Variants in SNRPD1 observed in about 807,000 individuals in gnomAD.
The protein encoded by SNRPD1 is small nuclear ribonucleoprotein Sm D1.
In SNRPD1, 1 loss-of-function variant was observed where a neutral mutation model predicts 14.4. The ratio of observed to expected loss-of-function variants is 0.07; its 90% CI spans 0.02 to 0.33. The LOEUF (loss-of-function observed/expected upper bound fraction) is 0.33, where lower values mean the gene tolerates loss of function less well. SNRPD1 is among the 10% of genes least tolerant of loss of function. The probability of loss-of-function intolerance (pLI) is 1.00; values close to 1 mark genes in which losing one functional copy is unlikely to be tolerated. For missense variants in SNRPD1, 52 were observed against 146.4 expected, an observed-to-expected ratio of 0.36 and a Z score of 3.33; for synonymous variants, 42 against 50.3, an observed-to-expected ratio of 0.83 and a Z score of 0.70.
At chr18:21,614,660 A>C (rs763769033) in intron 1 of SNRPD1, among the ~76,000 whole-genome samples, 10 of 152,116 alleles carry the variant, frequency 6.6e-5, no homozygotes, top group Admixed American at 3.3e-4. Context: ...CATTTGATAC[A>C]TTGCCAATTT....
At chr18:21,614,684 T>C (rs577363583) in intron 1 of SNRPD1, among the ~76,000 whole-genome samples, 1 of 152,248 alleles carries the variant, frequency 6.6e-6, no homozygotes, top group Non-Finnish European at 1.5e-5. Context: ...CAGTTTTACC[T>C]ACTTCATAAA....
chr18:21,621,355 C>T (rs28675778), intron 1 of SNRPD1, among the ~76,000 whole-genome samples: 3,164 of 152,198 alleles, frequency 0.021, 116 homozygotes, highest in African/African-American at 0.072. Context: ...TAAATTTTGA[C>T]ATTTCCATAT....
intron 3 of SNRPD1, among the ~76,000 whole-genome samples, chr18:21,626,411 A>C (rs2039039340): frequency 6.6e-6 from 1 of 151,024 alleles, no homozygotes; most frequent in South Asian, 2.1e-4. Context: ...AAAAAAAAAA[A>C]AAAAGGAAAC....
intron 1 of SNRPD1, among the ~76,000 whole-genome samples, chr18:21,618,895 T>C (rs2038976983): frequency 6.6e-6 from 1 of 152,178 alleles, no homozygotes; most frequent in Non-Finnish European, 1.5e-5. Flanking sequence ...TATTACAGTC[T>C]AGGATTAGAT....
At chr18:21,621,654 T>A (rs1285838983) in intron 1 of SNRPD1, among the ~76,000 whole-genome samples, 1 of 152,186 alleles carries the variant, frequency 6.6e-6, no homozygotes, top group Admixed American at 6.6e-5. Context: ...CTTGGCTGAC[T>A]GCAATCTCTG....
At chr18:21,624,690 C>CAA (rs1206974503) in intron 3 of SNRPD1, among the ~76,000 whole-genome samples, 11 of 138,284 alleles carry the variant, frequency 8.0e-5, no homozygotes, top group African/African-American at 1.9e-4. Context: ...GACTTTGTCT[C>CAA]AAAAAAAAAA....
chr18:21,628,225 T>A (rs1316865801), intron 3 of SNRPD1, among the ~76,000 whole-genome samples: 1 of 152,034 alleles, frequency 6.6e-6, no homozygotes, highest in African/African-American at 2.4e-5. Flanking sequence ...ACAAAAATTT[T>A]AAAAATTAGC....
chr18:21,629,764 T>C lies in SNRPD1; in HGVS notation c.*626T>C, dbSNP rs2039066933. 1 of 152,428 alleles carries C rather than the reference T, an allele frequency of 6.6e-6. No individual in the cohort carries two copies. Among genetic ancestry groups the C allele is most frequent in the Non-Finnish European group, 1.5e-5 (1 of 68,206 alleles). 9.4% of individuals were successfully genotyped at this position (152,428 alleles called of 1,614,324 possible). A position where few individuals can be genotyped will look rare whatever the true frequency, so the allele number is the denominator to read the frequency against. The stretch of plus-strand genomic sequence containing the variant: ...GAACTTGAGATATGTAAAGAGACTT[T>C]AGGCTAAACTTAACAATATATATAG... On this transcript the variant is annotated 3_prime_UTR_variant, in exon 4 of 4. Coordinates refer to ENST00000300413, the MANE Select transcript of SNRPD1 (RefSeq NM_006938.4).
At chr18:21,616,382 GTC>G (rs1343404734) in intron 1 of SNRPD1, among the ~76,000 whole-genome samples, 2 of 152,070 alleles carry the variant, frequency 1.3e-5, no homozygotes, top group South Asian at 2.1e-4. Context: ...CCTTAATAGT[GTC>G]TCTCTTCTTG....
intron 1 of SNRPD1, 105 bp downstream of exon 1, chr18:21,612,548 G>GCACA: frequency 2.3e-6 from 2 of 858,522 alleles, no homozygotes; most frequent in Non-Finnish European, 3.4e-6. Context: ...AGCCGCGTGT[G>GCACA]CGCGGCCTGC....
chr18:21,612,650 G>A (rs2038927550), intron 1 of SNRPD1, among the ~76,000 whole-genome samples: 1 of 152,260 alleles, frequency 6.6e-6, no homozygotes, highest in Non-Finnish European at 1.5e-5. Context: ...CCAAGAGATT[G>A]GTATAAAGGC....
chr18:21,624,023 C>A, intron 3 of SNRPD1, 84 bp downstream of exon 3: 1 of 794,664 alleles, frequency 1.3e-6, no homozygotes, highest in Non-Finnish European at 2.0e-6. Flanking sequence ...TTGCAAACAA[C>A]ACAAGTGTCT....
Position 21,622,824 on chromosome 18 carries a change from A to G in SNRPD1, c.91+23A>G, listed in dbSNP as rs556758191. The G allele has an allele frequency of 1.8e-4, 242 of 1,311,006 alleles. 2 individuals are homozygous for G. In the South Asian group the frequency reaches 2.6e-3, roughly 14 times the overall value. The allele number at this position is 1,311,006 out of a possible 1,614,324, so 81.2% of individuals were successfully genotyped here. ...CAGGTACGGAGGTTGGACTGCTTTT[A>G]TAACATTTTTTTTCTTCTCTTTTAC... On this transcript the variant is annotated intron_variant, in intron 2 of 3. Coordinates refer to ENST00000300413, the MANE Select transcript of SNRPD1 (RefSeq NM_006938.4).
At chr18:21,621,673 G>A (rs1043620620) in intron 1 of SNRPD1, among the ~76,000 whole-genome samples, 1 of 152,078 alleles carries the variant, frequency 6.6e-6, no homozygotes, top group Non-Finnish European at 1.5e-5. Context: ...TGCCTCCCAG[G>A]TTTAAGCGAT....
intron 3 of SNRPD1, among the ~76,000 whole-genome samples, chr18:21,626,370 G>GACAACA: frequency 1.4e-5 from 2 of 146,462 alleles, no homozygotes; most frequent in East Asian, 2.0e-4. Context: ...CTCCAGCCTG[G>GACAACA]GTGACAGAGT....
At position 21,629,278 on chromosome 18, in the gene SNRPD1, A is replaced by C; in HGVS notation, c.*140A>C. The C allele has an allele frequency of 1.6e-6, 1 of 640,032 alleles. No individual in the cohort carries two copies. The highest frequency in any genetic ancestry group is 2.8e-6 in the Non-Finnish European group (1 of 357,528). 39.6% of individuals were successfully genotyped at this position (640,032 alleles called of 1,614,324 possible). A position where few individuals can be genotyped will look rare whatever the true frequency, so the allele number is the denominator to read the frequency against. ...TATCAAAGTTTTAGTAGTTTCCTCC[A>C]CATTCACGAAATTACCACAGTGAGA... On this transcript the variant is annotated 3_prime_UTR_variant, in exon 4 of 4. Transcript: ENST00000300413.
chr18:21,620,791 AAG>A (rs1181901543), intron 1 of SNRPD1, among the ~76,000 whole-genome samples: 1 of 152,192 alleles, frequency 6.6e-6, no homozygotes, highest in African/African-American at 2.4e-5. Context: ...TAGAAAATAA[AAG>A]AAAAACTCAA....
At chr18:21,623,228 G>A (rs1283438471) in intron 2 of SNRPD1, among the ~76,000 whole-genome samples, 2 of 152,164 alleles carry the variant, frequency 1.3e-5, no homozygotes, top group African/African-American at 4.8e-5. Context: ...AGTAGCTGGG[G>A]TTATGGGTGC....
At chr18:21,621,929 A>C (rs966015631) in intron 1 of SNRPD1, among the ~76,000 whole-genome samples, 1 of 152,340 alleles carries the variant, frequency 6.6e-6, no homozygotes, top group African/African-American at 2.4e-5. Context: ...TGTCCAATAT[A>C]AACTGCTAAA....
Sources: gnomAD v4.1 joint callset for allele counts (sites outside exome capture counted in the v4.1 genomes callset) on GRCh38, gnomAD v4.1.1 for gene constraint, MANE v1.5 for transcripts, NCBI Gene and HGNC (gene_info 2026-07-23, HGNC 2026-07-21) for gene names.